Variants in CBFA2T3 observed in about 807,000 individuals in gnomAD.
CBFA2T3 encodes CBFA2/RUNX1 partner transcriptional co-repressor 3.
CBFA2T3 carries 31 observed loss-of-function variants against 58.6 expected under a neutral mutation model. The observed-to-expected ratio is 0.53, with a 90% CI of 0.40 to 0.71. The LOEUF (loss-of-function observed/expected upper bound fraction) is 0.71. CBFA2T3 is among the 30% of genes least tolerant of loss of function. CBFA2T3 has a pLI of 0.00. For synonymous variants in CBFA2T3, 531 were observed against 421.9 expected (o/e 1.26, Z -3.17); for missense variants, 1,076 against 963.1 (o/e 1.12, Z -1.55).
chr16:88,970,363 C>T (rs550009971), intron 1 of CBFA2T3, among the ~76,000 whole-genome samples: 6 of 152,296 alleles, frequency 3.9e-5, no homozygotes, highest in East Asian at 3.9e-4. Context: ...GCGCGGCTCT[C>T]GTCTCAGAGC....
intron 1 of CBFA2T3, among the ~76,000 whole-genome samples, chr16:88,924,821 C>T (rs1971033661): frequency 6.6e-6 from 1 of 152,238 alleles, no homozygotes; most frequent in Non-Finnish European, 1.5e-5. Flanking sequence ...CAATCAGGGG[C>T]TGTGAAGGCG....
At chr16:88,964,612 TAC>T (rs1329573406) in intron 1 of CBFA2T3, among the ~76,000 whole-genome samples, 1 of 152,206 alleles carries the variant, frequency 6.6e-6, no homozygotes, top group East Asian at 1.9e-4. Context: ...CGCGGAATAA[TAC>T]ACCTTTCACA....
chr16:88,945,841 A>G (rs1455125944), intron 1 of CBFA2T3, among the ~76,000 whole-genome samples: 1 of 152,256 alleles, frequency 6.6e-6, no homozygotes, highest in Non-Finnish European at 1.5e-5. Context: ...GTTAAAAACT[A>G]ATGTCCACAC....
intron 7 of CBFA2T3, chr16:88,884,651 T>G (rs1317078179): frequency 5.5e-6 from 1 of 181,246 alleles, no homozygotes; most frequent in African/African-American, 2.4e-5. Flanking sequence ...CAGCCCTTGC[T>G]GGGCCCTGCA....
At position 88,876,496 on chromosome 16, in the gene CBFA2T3, T is replaced by C; in HGVS notation, c.*480A>G. On this transcript the variant is annotated 3_prime_UTR_variant, in exon 12 of 12. Coordinates refer to ENST00000268679, the MANE Select transcript of CBFA2T3 (RefSeq NM_005187.6). ...CTTTGTCCATTTCTGAGTAGCTCTTTTGCCAACACACAAAACCCCCCAAAA... is the reference window on the plus strand; with the variant it reads ...CTTTGTCCATTTCTGAGTAGCTCTTCTGCCAACACACAAAACCCCCCAAAA... 1 of 232,686 alleles carries C rather than the reference T, an allele frequency of 4.3e-6. No individual in the cohort carries two copies. Among genetic ancestry groups the C allele is most frequent in the East Asian group, 6.1e-5 (1 of 16,368 alleles). The allele number at this position is 232,686 out of a possible 1,614,324, so 14.4% of individuals were successfully genotyped here.
At chr16:88,946,695 C>G (rs868299148) in intron 1 of CBFA2T3, among the ~76,000 whole-genome samples, 29 of 152,114 alleles carry the variant, frequency 1.9e-4, no homozygotes, top group African/African-American at 6.5e-4. Flanking sequence ...GTTGGCCAGG[C>G]TGGTCTCGAA....
intron 1 of CBFA2T3, among the ~76,000 whole-genome samples, chr16:88,972,814 G>A (rs1439251439): frequency 1.3e-5 from 2 of 152,230 alleles, no homozygotes; most frequent in Non-Finnish European, 2.9e-5. Flanking sequence ...GGGGGGACAG[G>A]AGGCGGGAGG....
chr16:88,928,554 C>T (rs867331216), intron 1 of CBFA2T3, among the ~76,000 whole-genome samples: 2 of 152,324 alleles, frequency 1.3e-5, no homozygotes, highest in Middle Eastern at 3.4e-3. Flanking sequence ...TCTTCCAGCA[C>T]CCAGTGAGGG....
intron 1 of CBFA2T3, among the ~76,000 whole-genome samples, chr16:88,922,547 G>A (rs567767439): frequency 2.6e-4 from 40 of 152,348 alleles, no homozygotes; most frequent in African/African-American, 8.7e-4. Context: ...CTGATGCCCG[G>A]GGCAGACATT....
At chr16:88,904,652 G>A (rs1970233969) in intron 1 of CBFA2T3, among the ~76,000 whole-genome samples, 2 of 152,144 alleles carry the variant, frequency 1.3e-5, no homozygotes, top group African/African-American at 2.4e-5. Flanking sequence ...CCTCCCCTCC[G>A]TTCTCCAGGC....
At chr16:88,898,386 C>T (rs1329548305) in intron 2 of CBFA2T3, among the ~76,000 whole-genome samples, 6 of 152,192 alleles carry the variant, frequency 3.9e-5, no homozygotes, top group African/African-American at 9.7e-5. Flanking sequence ...CCCGGGCCGC[C>T]GTTTCCTGCT....
chr16:88,900,866 T>C (rs1353968111), intron 2 of CBFA2T3, among the ~76,000 whole-genome samples: 3 of 152,210 alleles, frequency 2.0e-5, no homozygotes, highest in African/African-American at 4.8e-5. Context: ...GGCGGCTCTG[T>C]GCGCCAAGCA....
At chr16:88,921,755 C>A (rs1431384264) in intron 1 of CBFA2T3, among the ~76,000 whole-genome samples, 1 of 152,238 alleles carries the variant, frequency 6.6e-6, no homozygotes, top group Non-Finnish European at 1.5e-5. Context: ...TCCGCGGTGC[C>A]GGGGGACTTG....
chr16:88,951,492 C>CT, intron 1 of CBFA2T3: 2 of 369,968 alleles, frequency 5.4e-6, no homozygotes, highest in South Asian at 4.1e-5. Context: ...TTCATCTTTG[C>CT]TTTTTTAAAT....
In CBFA2T3 at chr16:88,915,957, C is replaced by T. The variant is rs533194529; in HGVS notation, c.152-14301G>A. On this transcript the variant is annotated intron_variant, in intron 1 of 11. Transcript: ENST00000268679. ...GTGTGAGTGTGCATGCATGAGTGTA[C>T]GTGGGTGCATGGGTCTGTATTCATG... is the stretch of plus-strand genomic sequence containing the variant. Among the ~76,000 whole-genome samples, 8 of 152,160 alleles carry T rather than the reference C, an allele frequency of 5.3e-5. 1 individual carries two copies. The Middle Eastern group carries it at 0.01, about 194-fold the overall frequency.
At chr16:88,925,522 C>A (rs1451143465) in intron 1 of CBFA2T3, among the ~76,000 whole-genome samples, 1 of 152,172 alleles carries the variant, frequency 6.6e-6, no homozygotes, top group Non-Finnish European at 1.5e-5. Context: ...TGCTCTCATC[C>A]CAGCAGAAGG....
At chr16:88,967,146 G>A (rs1359769735) in intron 1 of CBFA2T3, among the ~76,000 whole-genome samples, 26 of 113,758 alleles carry the variant, frequency 2.3e-4, no homozygotes, top group Non-Finnish European at 4.1e-4. Flanking sequence ...GCCCCGACAC[G>A]CGGCAGCACC....
chr16:88,905,721 G>C (rs1970295590), intron 1 of CBFA2T3, among the ~76,000 whole-genome samples: 2 of 135,428 alleles, frequency 1.5e-5, no homozygotes, highest in Non-Finnish European at 3.2e-5. Context: ...GGAGGGGCGG[G>C]GCTGAAGGAG....
intron 1 of CBFA2T3, among the ~76,000 whole-genome samples, chr16:88,967,822 T>C (rs1024025681): frequency 5.9e-5 from 9 of 152,240 alleles, no homozygotes; most frequent in African/African-American, 2.2e-4. Context: ...ACCGGGGAAC[T>C]CAGGACGCCC....
Sources: gnomAD v4.1 joint callset for allele counts (sites outside exome capture counted in the v4.1 genomes callset) on GRCh38, gnomAD v4.1.1 for gene constraint, MANE v1.5 for transcripts, NCBI Gene and HGNC (gene_info 2026-07-23, HGNC 2026-07-21) for gene names.